Variants in PALLD observed in about 807,000 individuals in gnomAD.
PALLD encodes the protein palladin.
Under a neutral mutation model 123.5 loss-of-function variants are expected in PALLD, and 61 were observed. The observed-to-expected ratio is 0.49, with a 90% CI of 0.40 to 0.61. The LOEUF is 0.61. PALLD is among the 20% of genes least tolerant of loss of function. The probability of loss-of-function intolerance (pLI) is 0.00; values close to 1 mark genes in which losing one functional copy is unlikely to be tolerated. For missense variants in PALLD, 1,273 were observed against 1,377.0 expected (o/e 0.92, Z 1.20); for synonymous variants, 465 against 496.4 (o/e 0.94, Z 0.84).
At chr4:168,677,152 G>C (rs949578714) in intron 3 of PALLD, among the ~76,000 whole-genome samples, 1 of 151,780 alleles carries the variant, frequency 6.6e-6, no homozygotes, top group African/African-American at 2.4e-5. Flanking sequence ...GGAGAAAGAC[G>C]TTAACCTGAG....
At chr4:168,637,009 G>T (rs1375105702) in intron 2 of PALLD, among the ~76,000 whole-genome samples, 1 of 152,136 alleles carries the variant, frequency 6.6e-6, no homozygotes. Context: ...CAGAAAACTG[G>T]TAACTCTGTG....
chr4:168,808,297 G>T (rs1459592923), intron 10 of PALLD, among the ~76,000 whole-genome samples: 1 of 151,628 alleles, frequency 6.6e-6, no homozygotes, highest in East Asian at 2.0e-4. Context: ...TGGCTAACAT[G>T]GTGAAACCCT....
chr4:168,836,736 T>A (rs1183525588), intron 10 of PALLD, among the ~76,000 whole-genome samples: 1 of 152,202 alleles, frequency 6.6e-6, no homozygotes, highest in Non-Finnish European at 1.5e-5. Flanking sequence ...TACTGCGAAG[T>A]AGGCGGCCCT....
At chr4:168,827,629 G>C (rs1743594839) in intron 10 of PALLD, among the ~76,000 whole-genome samples, 1 of 152,174 alleles carries the variant, frequency 6.6e-6, no homozygotes, top group Non-Finnish European at 1.5e-5. Context: ...TCTTGTTCTT[G>C]TTTGATAAAT....
At chr4:168,733,956 C>T (rs911193672) in intron 10 of PALLD, among the ~76,000 whole-genome samples, 5 of 152,118 alleles carry the variant, frequency 3.3e-5, no homozygotes, top group African/African-American at 4.8e-5. Context: ...AGGATGGTCT[C>T]GATCTCCTGA....
chr4:168,871,320 A>G (rs1751041785), intron 10 of PALLD, among the ~76,000 whole-genome samples: 1 of 152,232 alleles, frequency 6.6e-6, no homozygotes, highest in Non-Finnish European at 1.5e-5. Context: ...GAAGACAGAA[A>G]GTGAAATATC....
At chr4:168,569,883 T>C (rs1338541453) in intron 2 of PALLD, among the ~76,000 whole-genome samples, 1 of 152,144 alleles carries the variant, frequency 6.6e-6, no homozygotes, top group Admixed American at 6.6e-5. Flanking sequence ...TTTTGAAAAA[T>C]ACAATCAGGG....
intron 10 of PALLD, among the ~76,000 whole-genome samples, chr4:168,839,902 T>C (rs1745794962): frequency 1.3e-5 from 2 of 152,172 alleles, no homozygotes; most frequent in South Asian, 4.1e-4. Flanking sequence ...TGACTAAAGA[T>C]CCTGTCATTT....
chr4:168,792,429 G>A lies in PALLD; in HGVS notation c.1964+80506G>A, dbSNP rs185966345. On this transcript the variant is annotated intron_variant, in intron 10 of 21. Transcript: ENST00000505667. ...AGTAAAAGAAGTTTGTCTTTACTCC[G>A]CAGCCTCCCGTGTCCCCCACTCTGA... is the stretch of plus-strand genomic sequence containing the variant. Among the ~76,000 whole-genome samples the A allele has an allele frequency of 2.7e-3, 414 of 152,122 alleles. 2 individuals carry two copies. Among genetic ancestry groups the A allele is most frequent in the Middle Eastern group, 0.01 (3 of 294 alleles).
chr4:168,863,617 T>C (rs1307113150), intron 10 of PALLD, among the ~76,000 whole-genome samples: 5 of 149,630 alleles, frequency 3.3e-5, no homozygotes, highest in African/African-American at 1.0e-4. Context: ...GATAGCATGA[T>C]GTTCCTGAAA....
chr4:168,653,610 A>G (rs1219033405), intron 2 of PALLD, among the ~76,000 whole-genome samples: 3 of 152,224 alleles, frequency 2.0e-5, no homozygotes, highest in African/African-American at 7.2e-5. Context: ...GGGCTCTGAT[A>G]ATTAGAACAT....
intron 10 of PALLD, among the ~76,000 whole-genome samples, chr4:168,716,603 A>G (rs779551258): frequency 6.6e-6 from 1 of 152,096 alleles, no homozygotes; most frequent in Non-Finnish European, 1.5e-5. Flanking sequence ...TTGATACCCT[A>G]TTGTTCTGCA....
At chr4:168,759,191 AAAAAAAAAAAAATATATATAT>A (rs1448429196) in intron 10 of PALLD, among the ~76,000 whole-genome samples, 10 of 29,548 alleles carry the variant, frequency 3.4e-4, no homozygotes, top group Non-Finnish European at 6.8e-4. Context: ...AAAAAAAAAA[AAAAAAAAAAAAATATATATAT>A]ATATATATAT....
chr4:168,735,937 C>A (rs1455866016), intron 10 of PALLD, among the ~76,000 whole-genome samples: 3 of 152,188 alleles, frequency 2.0e-5, no homozygotes, highest in Non-Finnish European at 4.4e-5. Flanking sequence ...CTATTAATAG[C>A]TGGGCACTTG....
chr4:168,799,115 A>G (rs59500432), intron 10 of PALLD, among the ~76,000 whole-genome samples: 10,204 of 152,200 alleles, frequency 0.067, 1,154 homozygotes, highest in African/African-American at 0.23. Flanking sequence ...TGGATTGGTT[A>G]CAGGTCAGTG....
At chr4:168,605,141 G>A (rs1773042724) in intron 2 of PALLD, among the ~76,000 whole-genome samples, 2 of 152,000 alleles carry the variant, frequency 1.3e-5, no homozygotes, top group African/African-American at 4.8e-5. Context: ...GTCACTTCAA[G>A]TCATTCTAAC....
At chr4:168,846,526 A>T (rs573849953) in intron 10 of PALLD, among the ~76,000 whole-genome samples, 1 of 152,316 alleles carries the variant, frequency 6.6e-6, no homozygotes, top group South Asian at 2.1e-4. Context: ...TATGGTCTGT[A>T]AGAGGAACTC....
At chr4:168,702,284 C>T (rs1783750423) in intron 8 of PALLD, among the ~76,000 whole-genome samples, 1 of 152,156 alleles carries the variant, frequency 6.6e-6, no homozygotes, top group Non-Finnish European at 1.5e-5. Context: ...GGTGTAGTGG[C>T]TCACTCCTGT....
intron 2 of PALLD, among the ~76,000 whole-genome samples, chr4:168,617,807 A>C (rs1774375864): frequency 6.6e-6 from 1 of 152,198 alleles, no homozygotes; most frequent in Non-Finnish European, 1.5e-5. Flanking sequence ...TAAATGGCAA[A>C]TATTATGATG....
Sources: gnomAD v4.1 joint callset for allele counts (sites outside exome capture counted in the v4.1 genomes callset) on GRCh38, gnomAD v4.1.1 for gene constraint, MANE v1.5 for transcripts, NCBI Gene and HGNC (gene_info 2026-07-23, HGNC 2026-07-21) for gene names.